CCDC181: variants seen among roughly 807,000 people sequenced by gnomAD.
The protein encoded by CCDC181 is coiled-coil domain-containing protein 181.
CCDC181 carries 35 observed loss-of-function variants against 58.7 expected under a neutral mutation model. That is an observed-to-expected ratio of 0.60 (90% CI 0.46 to 0.79). CCDC181 has a LOEUF of 0.79. Among genes scored for constraint, CCDC181 ranks in the 30% least tolerant of loss-of-function variants. CCDC181 has a pLI of 0.00. For synonymous variants in CCDC181, 183 were observed against 197.5 expected (o/e 0.93, Z 0.62); for missense variants, 517 against 583.9 (o/e 0.89, Z 1.18).
intron 2 of CCDC181, among the ~76,000 whole-genome samples, chr1:169,433,755 A>T (rs1656979464): frequency 6.6e-6 from 1 of 152,034 alleles, no homozygotes; most frequent in South Asian, 2.1e-4. Flanking sequence ...TTGGACCCTT[A>T]CCTCGCACCA....
rs35209966 is a variant in CCDC181, at chr1:169,427,367, T to G, written c.-103A>C. On this transcript the variant is annotated 5_prime_UTR_variant, in exon 1 of 6. Coordinates refer to ENST00000367806, the MANE Select transcript of CCDC181 (RefSeq NM_001300969.2). ...CCTCCTCTTTCTAAGCTCTTCACAT[T>G]GAGGCAAAGGAGACCCCGGCACCTG... is the stretch of plus-strand genomic sequence containing the variant. The G allele has an allele frequency of 6.6e-6, 1 of 152,242 alleles. No homozygotes were observed. The highest frequency in any genetic ancestry group is 1.5e-5 in the Non-Finnish European group (1 of 68,142). The allele number at this position is 152,242 out of a possible 1,614,324, so 9.4% of individuals were successfully genotyped here.
At chr1:169,406,909 C>T (rs1426871932) in intron 4 of CCDC181, among the ~76,000 whole-genome samples, 1 of 151,626 alleles carries the variant, frequency 6.6e-6, no homozygotes, top group African/African-American at 2.4e-5. Flanking sequence ...AGTACTGATG[C>T]CTCAAGATGG....
At chr1:169,421,010 T>C (rs1343763057) in intron 3 of CCDC181, among the ~76,000 whole-genome samples, 1 of 152,198 alleles carries the variant, frequency 6.6e-6, no homozygotes, top group African/African-American at 2.4e-5. Flanking sequence ...CTTTATGCCT[T>C]CATTTTTCCA....
intron 2 of CCDC181, chr1:169,443,019 AT>A (rs1657279065): frequency 1.3e-5 from 2 of 151,794 alleles, no homozygotes; most frequent in Non-Finnish European, 2.9e-5. Flanking sequence ...TATGTGTATT[AT>A]ATATCAGATA....
intron 5 of CCDC181, chr1:169,396,280 A>G (rs1298359169): frequency 6.6e-6 from 1 of 152,208 alleles, no homozygotes; most frequent in African/African-American, 2.4e-5. Flanking sequence ...GAGGCTGGGC[A>G]TGGTGGCTCA....
chr1:169,419,502 C>T (rs1330908271), intron 3 of CCDC181, among the ~76,000 whole-genome samples: 2 of 152,094 alleles, frequency 1.3e-5, no homozygotes, highest in African/African-American at 4.8e-5. Flanking sequence ...GTTTTCCTTA[C>T]ATTTTGACAA....
intron 2 of CCDC181, among the ~76,000 whole-genome samples, chr1:169,449,485 A>G (rs1383884148): frequency 6.6e-6 from 1 of 152,232 alleles, no homozygotes; most frequent in Non-Finnish European, 1.5e-5. Flanking sequence ...GGCTCACACA[A>G]TCACAAGGTG....
chr1:169,428,811 A>G (rs1033795459), upstream of CCDC181, among the ~76,000 whole-genome samples: 1 of 151,954 alleles, frequency 6.6e-6, no homozygotes, highest in African/African-American at 2.4e-5. Context: ...ACGCCACCAC[A>G]CCTGGCTAAG....
At position 169,395,013 on chromosome 1, in the gene CCDC181, A is replaced by G; in HGVS notation, c.*34T>C. On this transcript the variant is annotated 3_prime_UTR_variant, in exon 6 of 6. Transcript: ENST00000367806. ...AAGAAATCATATCCAAAATTTTGATAGCAGCTGCCCACTGAAATATTTAAT... is the reference window on the plus strand; with the variant it reads ...AAGAAATCATATCCAAAATTTTGATGGCAGCTGCCCACTGAAATATTTAAT... 1 of 1,537,958 alleles carries G rather than the reference A, an allele frequency of 6.5e-7. No individual in the cohort carries two copies. The highest frequency in any genetic ancestry group is 1.4e-5 in the African/African-American group (1 of 71,584).
Position 169,424,891 on chromosome 1 carries a change from C to T in CCDC181, c.37G>A (p.Glu13Lys), listed in dbSNP as rs749100027. 1.3e-5 allele frequency: 21 copies of T among 1,605,182 alleles called. No individual in the cohort carries two copies. The highest frequency in any genetic ancestry group is 1.6e-5 in the Non-Finnish European group (19 of 1,173,356). The change falls in exon 2 of 6, where the codon GAA (glutamate) becomes AAA (lysine). Residue 13 changes from glutamate (E) to lysine (K), a missense_variant. Glu to Lys is a moderately conservative substitution (Grantham distance 56). Transcript: ENST00000367806. Reference sequence around the variant, plus strand: ...TTTTCAAAGTCATCTTCGTATTCTTCACTTTTCTTTGAATCAGTATCTTTA... The same window carrying T: ...TTTTCAAAGTCATCTTCGTATTCTTTACTTTTCTTTGAATCAGTATCTTTA... ...ENKDTDSKKS[E>K]EYEDDFEKDL...
chr1:169,428,758 C>A (rs879436670), upstream of CCDC181, among the ~76,000 whole-genome samples: 1 of 152,102 alleles, frequency 6.6e-6, no homozygotes, highest in Admixed American at 6.5e-5. Flanking sequence ...CGGGTTCAAG[C>A]GATTCTTGTG....
At chr1:169,430,434 G>T (rs763500384), upstream of CCDC181, among the ~76,000 whole-genome samples, 8 of 152,078 alleles carry the variant, frequency 5.3e-5, no homozygotes, top group Non-Finnish European at 7.4e-5. Flanking sequence ...CATGGGATTT[G>T]CTTCCATTTG....
At chr1:169,412,449 C>A (rs1019420740) in intron 4 of CCDC181, among the ~76,000 whole-genome samples, 3 of 152,120 alleles carry the variant, frequency 2.0e-5, no homozygotes, top group Admixed American at 2.0e-4. Flanking sequence ...GCCATACTGC[C>A]CAAAGTAATT....
chr1:169,436,582 C>T (rs963424042), intron 2 of CCDC181, among the ~76,000 whole-genome samples: 18 of 152,104 alleles, frequency 1.2e-4, no homozygotes, highest in African/African-American at 3.4e-4. Flanking sequence ...ACGACCTAGA[C>T]TAAAAGAAAA....
At chr1:169,432,582 A>G (rs76179621) in intron 2 of CCDC181, among the ~76,000 whole-genome samples, 258 of 152,286 alleles carry the variant, frequency 1.7e-3, no homozygotes, top group African/African-American at 5.9e-3. Context: ...GCAACTCATC[A>G]CATGCAAGGG....
chr1:169,430,477 T>G (rs1426636166), upstream of CCDC181, among the ~76,000 whole-genome samples: 1 of 152,178 alleles, frequency 6.6e-6, no homozygotes, highest in African/African-American at 2.4e-5. Context: ...TCATCAGTGT[T>G]TTTTAGTTTT....
chr1:169,436,245 C>G, intron 2 of CCDC181, among the ~76,000 whole-genome samples: 1 of 151,458 alleles, frequency 6.6e-6, no homozygotes, highest in East Asian at 1.9e-4. Flanking sequence ...TTTTAAAGAA[C>G]TCACAGCTCA....
At chr1:169,428,966 A>T (rs1415759826), upstream of CCDC181, among the ~76,000 whole-genome samples, 1 of 152,064 alleles carries the variant, frequency 6.6e-6, no homozygotes, top group Non-Finnish European at 1.5e-5. Context: ...CTTTCTCCCA[A>T]GTCCCCAAAG....
intron 2 of CCDC181, among the ~76,000 whole-genome samples, chr1:169,444,176 C>T (rs748843904): frequency 2.0e-5 from 3 of 152,154 alleles, no homozygotes; most frequent in Non-Finnish European, 4.4e-5. Flanking sequence ...AGTGCCAACA[C>T]CCTTCATTGG....
Sources: allele counts gnomAD v4.1 joint callset (sites outside exome capture counted in the v4.1 genomes callset), GRCh38; gene constraint gnomAD v4.1.1; transcripts MANE v1.5; gene names NCBI Gene and HGNC (gene_info 2026-07-23, HGNC 2026-07-21).